PRR16: variants seen among roughly 807,000 people sequenced by gnomAD.
PRR16 encodes proline rich 16.
Under a neutral mutation model 18.2 loss-of-function variants are expected in PRR16, and 6 were observed. That is an observed-to-expected ratio of 0.33 (90% CI 0.18 to 0.65). PRR16 has a LOEUF of 0.65. Among genes scored for constraint, PRR16 ranks in the 30% least tolerant of loss-of-function variants. PRR16 has a pLI of 0.74. For synonymous variants in PRR16, 151 were observed against 147.8 expected (o/e 1.02, Z -0.16); for missense variants, 412 against 376.6 (o/e 1.09, Z -0.78).
chr5:120,663,064 T>C (rs1756230691), intron 1 of PRR16, among the ~76,000 whole-genome samples: 1 of 152,172 alleles, frequency 6.6e-6, no homozygotes, highest in South Asian at 2.1e-4. Context: ...TCTTTCACCA[T>C]TGTCAACCCT....
At chr5:120,577,678 C>T (rs4895265) in intron 1 of PRR16, among the ~76,000 whole-genome samples, 148,823 of 152,238 alleles carry the variant, frequency 0.98, 72,821 homozygotes, top group East Asian at 1. Context: ...TGTATTTCTC[C>T]GAAATTAGGT....
At chr5:120,468,933 C>G (rs1015472002) in intron 1 of PRR16, among the ~76,000 whole-genome samples, 4 of 152,186 alleles carry the variant, frequency 2.6e-5, no homozygotes, top group Non-Finnish European at 4.4e-5. Context: ...AGACATGACT[C>G]TAACAGAGAA....
chr5:120,709,244 T>A, the PRR16 span, among the ~76,000 whole-genome samples: 2 of 151,702 alleles, frequency 1.3e-5, no homozygotes, highest in African/African-American at 4.8e-5. Flanking sequence ...CCTGACCTCG[T>A]GATCTGCCCG....
the PRR16 span, among the ~76,000 whole-genome samples, chr5:120,762,271 A>G: frequency 2.0e-5 from 3 of 152,206 alleles, no homozygotes; most frequent in Non-Finnish European, 4.4e-5. Context: ...TTCTATTTTT[A>G]GTTTTTAAAG....
chr5:120,769,556 G>A, the PRR16 span, among the ~76,000 whole-genome samples: 1 of 151,570 alleles, frequency 6.6e-6, no homozygotes. Flanking sequence ...TTTTTTAAAG[G>A]TCAAGTAATA....
the PRR16 span, among the ~76,000 whole-genome samples, chr5:120,725,393 C>T: frequency 2.0e-5 from 3 of 150,948 alleles, no homozygotes; most frequent in African/African-American, 7.3e-5. Context: ...TAGTGGCTCA[C>T]GTTTGTAATC....
chr5:120,667,583 T>C (rs1756436411), intron 1 of PRR16, among the ~76,000 whole-genome samples: 1 of 151,388 alleles, frequency 6.6e-6, no homozygotes. Context: ...CTTTCTCTTG[T>C]GGGCATTTAG....
chr5:120,615,514 G>A (rs1024125703), intron 1 of PRR16, among the ~76,000 whole-genome samples: 13 of 150,228 alleles, frequency 8.7e-5, no homozygotes, highest in African/African-American at 3.2e-4. Flanking sequence ...TTCTGCTTCA[G>A]CATTATAATT....
chr5:120,679,629 A>G (rs903933141), intron 1 of PRR16, among the ~76,000 whole-genome samples: 2 of 152,186 alleles, frequency 1.3e-5, no homozygotes, highest in African/African-American at 4.8e-5. Context: ...TTCTTTCTAA[A>G]TATATTTAGC....
At chr5:120,701,164 C>T in the PRR16 span, among the ~76,000 whole-genome samples, 2 of 152,084 alleles carry the variant, frequency 1.3e-5, no homozygotes, top group African/African-American at 4.8e-5. Context: ...ACAGTGGAGG[C>T]AAGGAATTGC....
chr5:120,518,650 G>A (rs1012212156), intron 1 of PRR16, among the ~76,000 whole-genome samples: 16 of 151,780 alleles, frequency 1.1e-4, no homozygotes, highest in African/African-American at 3.4e-4. Flanking sequence ...TGGACATGTG[G>A]CCTTCTACAA....
At chr5:120,778,729 C>T in the PRR16 span, among the ~76,000 whole-genome samples, 5 of 152,240 alleles carry the variant, frequency 3.3e-5, no homozygotes, top group Admixed American at 6.5e-5. Context: ...TGATTAAATT[C>T]ATAAAATTGC....
intron 1 of PRR16, among the ~76,000 whole-genome samples, chr5:120,487,514 C>A (rs1170335639): frequency 4.6e-5 from 7 of 152,142 alleles, no homozygotes; most frequent in Admixed American, 1.3e-4. Flanking sequence ...TGAGACTTTG[C>A]TGAAGTTGCT....
chr5:120,553,807 T>C (rs2112704160), intron 1 of PRR16, among the ~76,000 whole-genome samples: 1 of 151,960 alleles, frequency 6.6e-6, no homozygotes. Context: ...TGGTATATTA[T>C]TACCAATGGA....
chr5:120,550,200 T>A (rs1417405365), intron 1 of PRR16, among the ~76,000 whole-genome samples: 2 of 152,094 alleles, frequency 1.3e-5, no homozygotes, highest in Non-Finnish European at 2.9e-5. Flanking sequence ...TATTCCTGCT[T>A]AATAACCACT....
intron 1 of PRR16, among the ~76,000 whole-genome samples, chr5:120,495,885 G>T (rs1750227775): frequency 1.3e-5 from 2 of 151,722 alleles, no homozygotes; most frequent in African/African-American, 2.4e-5. Context: ...GCCCAATTTT[G>T]GGGGGAATGT....
the PRR16 span, among the ~76,000 whole-genome samples, chr5:120,786,183 A>G: frequency 6.6e-6 from 1 of 151,614 alleles, no homozygotes; most frequent in Non-Finnish European, 1.5e-5. Flanking sequence ...TGGTAATCTA[A>G]ATTCCCAAAT....
chr5:120,540,461 T>G (rs985563170), intron 1 of PRR16, among the ~76,000 whole-genome samples: 4 of 152,226 alleles, frequency 2.6e-5, no homozygotes, highest in African/African-American at 9.6e-5. Flanking sequence ...CGGGCCTCTC[T>G]TAACCAGGTT....
intron 1 of PRR16, among the ~76,000 whole-genome samples, chr5:120,512,673 C>A (rs1580669241): frequency 6.6e-6 from 1 of 152,104 alleles, no homozygotes; most frequent in African/African-American, 2.4e-5. Flanking sequence ...GTTTATCTTT[C>A]CTTCAGGCAC....
Sources: allele counts gnomAD v4.1 joint callset (sites outside exome capture counted in the v4.1 genomes callset), GRCh38; gene constraint gnomAD v4.1.1; transcripts MANE v1.5; gene names NCBI Gene and HGNC (gene_info 2026-07-23, HGNC 2026-07-21).